Variants in IL17B observed in about 807,000 individuals in gnomAD.
The protein encoded by IL17B is interleukin 17B, also known as interleukin-17B.
IL17B carries 14 observed loss-of-function variants against 14.7 expected under a neutral mutation model. The ratio of observed to expected loss-of-function variants is 0.95; its 90% CI spans 0.63 to 1.49. The LOEUF (loss-of-function observed/expected upper bound fraction) is 1.49, where lower values mean the gene tolerates loss of function less well. IL17B is among the 40% of genes most tolerant of loss of function. The pLI, the probability that IL17B is intolerant of heterozygous loss-of-function variation, is 0.00. For missense variants in IL17B, 233 were observed against 252.8 expected (o/e 0.92, Z 0.53); for synonymous variants, 105 against 94.8 (o/e 1.11, Z -0.62).
chr5:149,394,058 C>T (rs1238898356), intron 1 of IL17B, among the ~76,000 whole-genome samples: 3 of 152,148 alleles, frequency 2.0e-5, no homozygotes, highest in Non-Finnish European at 4.4e-5. Flanking sequence ...AATTGAGAGA[C>T]ATATCAAAAC....
chr5:149,378,469 C>T (rs191759906), intron 1 of IL17B, among the ~76,000 whole-genome samples: 189 of 152,336 alleles, frequency 1.2e-3, no homozygotes, highest in African/African-American at 4.4e-3. Flanking sequence ...ACAGTGCCTG[C>T]GTGTGAGGCA....
intron 2 of IL17B, among the ~76,000 whole-genome samples, chr5:149,376,277 C>T (rs1018859500): frequency 6.6e-6 from 1 of 152,196 alleles, no homozygotes. Context: ...TGGGCCTCAC[C>T]GCTGGAGGTT....
intron 1 of IL17B, among the ~76,000 whole-genome samples, chr5:149,378,389 C>A (rs758000920): frequency 3.9e-5 from 6 of 152,192 alleles, no homozygotes; most frequent in Admixed American, 6.5e-5. Flanking sequence ...ATCAGGAAAG[C>A]CTTTGGCTCA....
At chr5:149,390,217 A>ACCCCC (rs369377689) in intron 1 of IL17B, among the ~76,000 whole-genome samples, 39 of 130,560 alleles carry the variant, frequency 3.0e-4, no homozygotes, top group Non-Finnish European at 4.8e-4. Flanking sequence ...GGTATTAGTG[A>ACCCCC]CCCCCCCCCT....
chr5:149,374,628 C>G lies in IL17B; in HGVS notation c.312-28G>C, dbSNP rs376977762. Reference sequence around the variant, plus strand: ...GCAGGGAGCAGAAGAAAGAGCAGAGCGGAAGGTGATCAGGAAAGGGCCAGT... The same window carrying G: ...GCAGGGAGCAGAAGAAAGAGCAGAGGGGAAGGTGATCAGGAAAGGGCCAGT... On this transcript the variant is annotated intron_variant, in intron 2 of 2. Transcript: ENST00000261796. This position sits in a 1 kb window ranked among gnomAD's most constrained non-coding sequence, Gnocchi z 5.0. 2.9e-5 allele frequency: 46 copies of G among 1,578,332 alleles called. No individual in the cohort carries two copies. In the Admixed American group the frequency reaches 5.3e-4, roughly 18 times the overall value.
intron 1 of IL17B, among the ~76,000 whole-genome samples, chr5:149,396,119 T>G (rs1236501499): frequency 6.6e-6 from 1 of 152,252 alleles, no homozygotes; most frequent in Non-Finnish European, 1.5e-5. Context: ...TGCTAATACC[T>G]TGAAATTCAC....
At chr5:149,385,309 C>T (rs933375801) in intron 1 of IL17B, among the ~76,000 whole-genome samples, 4 of 152,018 alleles carry the variant, frequency 2.6e-5, no homozygotes, top group Non-Finnish European at 4.4e-5. Flanking sequence ...GAGCCAAGAT[C>T]GTGCCATTGC....
chr5:149,374,411 T>C lies in IL17B; in HGVS notation c.501A>G (p.Ala167=), dbSNP rs1226142639. 1.2e-6 allele frequency: 2 copies of C among 1,602,990 alleles called. No homozygotes were observed. Among genetic ancestry groups the C allele is most frequent in the African/African-American group, 2.7e-5 (2 of 74,846 alleles). Residue 167 remains alanine (A), a synonymous_variant, in exon 3 of 3, where the codon GCA becomes GCG. Coordinates refer to ENST00000261796, the MANE Select transcript of IL17B (RefSeq NM_014443.3). The surrounding 1 kb of genome is among the most constrained non-coding windows in gnomAD (Gnocchi z 5.0). The part of the protein sequence containing the change: ...PPRTGPCRQR[A]VMETIAVGCT... ...AGCCCACAGCGATGGTCTCCATGAC[T>C]GCGCGCTGGCGGCAAGGCCCTGTGC...
chr5:149,397,867 C>A (rs538314688), intron 1 of IL17B, among the ~76,000 whole-genome samples: 1 of 152,268 alleles, frequency 6.6e-6, no homozygotes, highest in Non-Finnish European at 1.5e-5. Flanking sequence ...ATGCTCAAAG[C>A]AGCAGAAAAG....
At chr5:149,399,461 G>T (rs1336294150) in intron 1 of IL17B, among the ~76,000 whole-genome samples, 1 of 151,942 alleles carries the variant, frequency 6.6e-6, no homozygotes, top group African/African-American at 2.4e-5. Context: ...GCGGGAAGTT[G>T]ATCATGGTTG....
At chr5:149,381,685 A>G (rs1021282746), upstream of IL17B, among the ~76,000 whole-genome samples, 10 of 152,180 alleles carry the variant, frequency 6.6e-5, no homozygotes, top group African/African-American at 2.4e-4. Context: ...GCCCAGCAAC[A>G]GTCATTGGGT....
chr5:149,387,408 C>G (rs1758846956), intron 1 of IL17B, among the ~76,000 whole-genome samples: 3 of 152,254 alleles, frequency 2.0e-5, no homozygotes, highest in Admixed American at 2.0e-4. Flanking sequence ...AGCCAAGGAC[C>G]CACGCAGATG....
At chr5:149,401,736 C>T (rs759897842) in intron 1 of IL17B, among the ~76,000 whole-genome samples, 3 of 152,134 alleles carry the variant, frequency 2.0e-5, no homozygotes, top group African/African-American at 4.8e-5. Flanking sequence ...GCCTGGGTGA[C>T]AGAGGAAGAA....
chr5:149,392,778 A>G (rs1169169373), intron 1 of IL17B, among the ~76,000 whole-genome samples: 1 of 152,190 alleles, frequency 6.6e-6, no homozygotes, highest in East Asian at 1.9e-4. Context: ...GCTGTGGATC[A>G]TTTCATTCTC....
At chr5:149,375,730 TA>T (rs984428367) in intron 2 of IL17B, among the ~76,000 whole-genome samples, 7 of 147,784 alleles carry the variant, frequency 4.7e-5, no homozygotes, top group African/African-American at 7.5e-5. Flanking sequence ...CTACAAAAAA[TA>T]AAAAAAAAAT....
upstream of IL17B, among the ~76,000 whole-genome samples, chr5:149,383,386 G>T (rs1417744117): frequency 6.6e-6 from 1 of 152,228 alleles, no homozygotes; most frequent in Non-Finnish European, 1.5e-5. Flanking sequence ...GCCCACCCTA[G>T]AGCGTTGGCA....
At chr5:149,390,586 AG>A in intron 1 of IL17B, among the ~76,000 whole-genome samples, 2 of 46,830 alleles carry the variant, frequency 4.3e-5, no homozygotes, top group African/African-American at 8.8e-5. Flanking sequence ...TCCCTGAGTT[AG>A]CACACACACA....
chr5:149,390,628 C>CAGAGAGAGAG (rs1253315663), intron 1 of IL17B, among the ~76,000 whole-genome samples: 65 of 137,702 alleles, frequency 4.7e-4, no homozygotes, highest in Middle Eastern at 3.5e-3. Flanking sequence ...CACACACACA[C>CAGAGAGAGAG]ACAGAGATAC....
Position 149,376,775 on chromosome 5 carries a change from C to T in IL17B, c.272G>A (p.Trp91Ter). ...AGACAGGCTCCTCTTGTTGGACATC[C>T]ACAGCTGCAAGTTGACCTCACACTT... ...QRKCEVNLQL[W>*]MSNKRSLSPW... is the part of the protein sequence containing the mutation. Residue 91 changes from tryptophan to a stop codon, truncating the protein, a stop_gained, in exon 2 of 3, where the codon TGG becomes TAG. Coordinates refer to ENST00000261796, the MANE Select transcript of IL17B (RefSeq NM_014443.3). LOFTEE classifies it high-confidence loss of function. The T allele has an allele frequency of 6.2e-7, 1 of 1,613,206 alleles. No individual in the cohort carries two copies. The highest frequency in any genetic ancestry group is 1.7e-4 in the Middle Eastern group (1 of 6,054).
Sources: allele counts gnomAD v4.1 joint callset (sites outside exome capture counted in the v4.1 genomes callset), GRCh38; gene constraint gnomAD v4.1.1; non-coding constraint Gnocchi (gnomAD v3.1); transcripts MANE v1.5; gene names NCBI Gene and HGNC (gene_info 2026-07-23, HGNC 2026-07-21).